Variants in DEPDC5 observed in about 807,000 individuals in gnomAD.
The protein encoded by DEPDC5 is DEP domain containing 5, GATOR1 subcomplex subunit.
Under a neutral mutation model 217.3 loss-of-function variants are expected in DEPDC5, and 73 were observed. That is an observed-to-expected ratio of 0.34 (90% confidence interval 0.28 to 0.41). The LOEUF (loss-of-function observed/expected upper bound fraction) is 0.41. DEPDC5 is among the 10% of genes least tolerant of loss of function. The pLI is 1.00. For synonymous variants in DEPDC5, 733 were observed against 756.7 expected, an observed-to-expected ratio of 0.97 and a Z score of 0.51; for missense variants, 1,675 against 2,070.1, an observed-to-expected ratio of 0.81 and a Z score of 3.70.
chr22:31,897,704 C>A, intron 40 of DEPDC5, 51 bp downstream of exon 40: 1 of 1,591,054 alleles, frequency 6.3e-7, no homozygotes, highest in South Asian at 1.1e-5. Context: ...GACCCCGTCC[C>A]TAACAAGGAC....
intron 20 of DEPDC5, 94 bp downstream of exon 20, chr22:31,810,735 C>CTTGTT (rs966696064): frequency 9.1e-6 from 14 of 1,542,656 alleles, no homozygotes; most frequent in South Asian, 4.8e-5. Flanking sequence ...CCTTGAAAAT[C>CTTGTT]TTGTTTTGTT....
At chr22:31,780,432 A>G (rs893303209) in intron 8 of DEPDC5, among the ~76,000 whole-genome samples, 2 of 152,126 alleles carry the variant, frequency 1.3e-5, no homozygotes, top group African/African-American at 2.4e-5. Context: ...GAGTGGAGGA[A>G]TCACTGGAGG....
intron 5 of DEPDC5, among the ~76,000 whole-genome samples, chr22:31,765,790 AG>A (rs375539720): frequency 1.3e-5 from 2 of 152,194 alleles, no homozygotes; most frequent in African/African-American, 4.8e-5. Flanking sequence ...TGGGAGGCCA[AG>A]GCAGGCGGAT....
Position 31,863,789 on chromosome 22 carries a change from G to A in DEPDC5, c.3330+2356G>A, listed in dbSNP as rs561736875. 2.6e-5 allele frequency among the ~76,000 whole-genome samples: 4 copies of A among 152,098 alleles called. No homozygotes were observed. In the East Asian group the frequency reaches 7.8e-4, roughly 30 times the overall value. ...AATACAAAAATTAGACCGGGCTCGT[G>A]GCGTGCGCCTGTAGTCCCAGTTACT... On this transcript the variant is annotated intron_variant, in intron 33 of 42. Coordinates refer to ENST00000651528, the MANE Select transcript of DEPDC5 (RefSeq NM_001242896.3).
intron 24 of DEPDC5, among the ~76,000 whole-genome samples, chr22:31,825,388 G>T (rs149226094): frequency 2.6e-5 from 4 of 152,196 alleles, no homozygotes; most frequent in Admixed American, 2.6e-4. Flanking sequence ...CTGAGCTAAG[G>T]GTTCCCTGGC....
At chr22:31,846,812 T>C in intron 30 of DEPDC5, 22 bp from the exon 31 acceptor site, 7 of 1,614,146 alleles carry the variant, frequency 4.3e-6, no homozygotes, top group Non-Finnish European at 5.9e-6. Flanking sequence ...CTGATGGCCT[T>C]GTCTCCTCTT....
At chr22:31,808,325 A>G (rs138298668) in intron 18 of DEPDC5, among the ~76,000 whole-genome samples, 3,779 of 148,728 alleles carry the variant, frequency 0.025, 60 homozygotes, top group African/African-American at 0.042. Context: ...CAGTGGTGCG[A>G]TCTTGGCTCA....
intron 32 of DEPDC5, among the ~76,000 whole-genome samples, chr22:31,859,913 C>G (rs1037475363): frequency 1.3e-5 from 2 of 152,202 alleles, no homozygotes; most frequent in African/African-American, 4.8e-5. Flanking sequence ...TCTATATGTT[C>G]TGGCAGTTAG....
At position 31,848,536 on chromosome 22, in the gene DEPDC5, A is replaced by G. The variant is rs931524287; in HGVS notation, c.3155+1569A>G. On this transcript the variant is annotated intron_variant, in intron 31 of 42. Transcript: ENST00000651528. ...AGCTGTACATTGGCCCCTTTTAGCC[A>G]TGGCTGGAGTGGTTGGGATGCAGTG... is the stretch of plus-strand genomic sequence containing the variant. 1.6e-4 allele frequency among the ~76,000 whole-genome samples: 25 copies of G among 152,146 alleles called. 3 individuals carry two copies. Among genetic ancestry groups the G allele is most frequent in the Admixed American group, 1.5e-3 (23 of 15,260 alleles).
At chr22:31,857,165 C>G (rs2092333977) in intron 31 of DEPDC5, among the ~76,000 whole-genome samples, 1 of 152,198 alleles carries the variant, frequency 6.6e-6, no homozygotes, top group Admixed American at 6.5e-5. Context: ...CAGACAGTCA[C>G]TCAAACCATG....
intron 6 of DEPDC5, among the ~76,000 whole-genome samples, chr22:31,768,372 G>C (rs2083012752): frequency 6.6e-6 from 1 of 151,794 alleles, no homozygotes; most frequent in South Asian, 2.1e-4. Context: ...ACAAATTATA[G>C]GTAGAATTTC....
intron 20 of DEPDC5, among the ~76,000 whole-genome samples, chr22:31,811,458 G>GTTT (rs1056698346): frequency 3.3e-5 from 5 of 152,006 alleles, no homozygotes; most frequent in Non-Finnish European, 7.4e-5. Context: ...TGGACACAGC[G>GTTT]TTTAAGTTTA....
chr22:31,902,275 T>G (rs2093660656), intron 41 of DEPDC5, among the ~76,000 whole-genome samples: 1 of 151,948 alleles, frequency 6.6e-6, no homozygotes, highest in South Asian at 2.1e-4. Flanking sequence ...TCCAGCCGAC[T>G]GTGTTGTCTC....
chr22:31,839,716 G>A (rs1338550675), intron 27 of DEPDC5, among the ~76,000 whole-genome samples: 1 of 152,166 alleles, frequency 6.6e-6, no homozygotes, highest in Non-Finnish European at 1.5e-5. Flanking sequence ...ATCACATGTT[G>A]CCTTGTATTC....
chr22:31,850,125 A>G (rs534168909), intron 31 of DEPDC5, among the ~76,000 whole-genome samples: 18 of 152,318 alleles, frequency 1.2e-4, no homozygotes, highest in African/African-American at 4.1e-4. Flanking sequence ...TCTCAACAAC[A>G]ACAACAACAA....
At position 31,778,346 on chromosome 22, in the gene DEPDC5, G is replaced by C. The variant is rs1601757903; in HGVS notation, c.483+178G>C. 5.3e-5 allele frequency among the ~76,000 whole-genome samples: 8 copies of C among 152,180 alleles called. 2 individuals carry two copies. The highest frequency in any genetic ancestry group is 5.2e-4 in the Admixed American group (8 of 15,260). ...GACCCACCTGTACAAAAATTAGCCA[G>C]GCATGGTGATGGGTACCTCTGGTCC... On this transcript the variant is annotated intron_variant, in intron 8 of 42. Transcript: ENST00000651528.
intron 27 of DEPDC5, among the ~76,000 whole-genome samples, chr22:31,839,670 C>T (rs1464420481): frequency 6.7e-6 from 1 of 149,090 alleles, no homozygotes; most frequent in Non-Finnish European, 1.5e-5. Flanking sequence ...CTTTGGACTC[C>T]CCCTGGATTT....
chr22:31,780,050 A>G (rs1024935853), intron 8 of DEPDC5, among the ~76,000 whole-genome samples: 6 of 152,242 alleles, frequency 3.9e-5, no homozygotes, highest in African/African-American at 1.4e-4. Flanking sequence ...GAACAGAATC[A>G]GAAGAAGGGA....
rs569013035 is a variant in DEPDC5, at chr22:31,812,742, C to CTT, written c.1445+2115_1445+2116dup. On this transcript the variant is annotated intron_variant, in intron 20 of 42. Transcript: ENST00000651528. ...CCCGGCCAATTTTCCAGATTTCTTT[C>CTT]TTTTTTTTTTTTTTTGAGTTGGAGT... 2.1e-4 allele frequency among the ~76,000 whole-genome samples: 24 copies of CTT among 116,936 alleles called. 1 individual carries two copies. The highest frequency in any genetic ancestry group is 3.4e-4 in the Non-Finnish European group (18 of 53,722). 76.7% of individuals were successfully genotyped at this position (116,936 alleles called of 152,430 possible). A position where few individuals can be genotyped will look rare whatever the true frequency, so the allele number is the denominator to read the frequency against.
Sources: gnomAD v4.1 joint callset for allele counts (sites outside exome capture counted in the v4.1 genomes callset) on GRCh38, gnomAD v4.1.1 for gene constraint, MANE v1.5 for transcripts, NCBI Gene and HGNC (gene_info 2026-07-23, HGNC 2026-07-21) for gene names.